The following THRAP3 variants were observed in gnomAD, a reference collection of about 807,000 sequenced individuals.
THRAP3 encodes the protein thyroid hormone receptor-associated protein 3.
A neutral mutation model predicts 101.0 loss-of-function variants in THRAP3; 16 were observed. That is an observed-to-expected ratio of 0.16 (90% CI 0.11 to 0.24). THRAP3 has a LOEUF of 0.24. THRAP3 is among the 10% of genes least tolerant of loss of function. The pLI is 1.00. For missense variants in THRAP3, 989 were observed against 1,202.7 expected (o/e 0.82, Z 2.63); for synonymous variants, 407 against 422.6 (o/e 0.96, Z 0.45).
At chr1:36,298,603 C>T (rs760204621) in intron 9 of THRAP3, among the ~76,000 whole-genome samples, 10 of 152,086 alleles carry the variant, frequency 6.6e-5, no homozygotes, top group Admixed American at 3.9e-4. Context: ...AAGTGATCCT[C>T]CTGCTTCAGC....
At chr1:36,293,765 T>A (rs1168447822) in intron 7 of THRAP3, 86 bp from the exon 8 acceptor site, 1 of 1,148,198 alleles carries the variant, frequency 8.7e-7, no homozygotes, top group Non-Finnish European at 1.3e-6. Context: ...TGCCTGTGAA[T>A]CTATTAGCCA....
At chr1:36,224,412 G>C (rs1644934248), upstream of THRAP3, 1 of 153,052 alleles carries the variant, frequency 6.5e-6, no homozygotes, top group Non-Finnish European at 1.5e-5. Context: ...CGTCGTCGGA[G>C]AGCGGAGACG....
At chr1:36,222,662 T>C (rs1214709687), upstream of THRAP3, among the ~76,000 whole-genome samples, 3 of 151,986 alleles carry the variant, frequency 2.0e-5, no homozygotes, top group Non-Finnish European at 2.9e-5. Context: ...CCCGCCTCGG[T>C]TCTCCCAAAG....
At chr1:36,254,028 A>G (rs1645343114) in intron 1 of THRAP3, among the ~76,000 whole-genome samples, 1 of 152,126 alleles carries the variant, frequency 6.6e-6, no homozygotes, top group African/African-American at 2.4e-5. Flanking sequence ...GAAAAATTTC[A>G]TACTCAGCCC....
intron 1 of THRAP3, among the ~76,000 whole-genome samples, chr1:36,236,428 A>G (rs1645089157): frequency 6.6e-6 from 1 of 151,954 alleles, no homozygotes. Context: ...GCTGGTATAC[A>G]TTGCCCTTTT....
intron 1 of THRAP3, among the ~76,000 whole-genome samples, chr1:36,252,952 AT>A (rs1645324958): frequency 7.9e-6 from 1 of 126,648 alleles, no homozygotes; most frequent in African/African-American, 2.9e-5. Flanking sequence ...ATATATATAT[AT>A]ATATATATAT....
In THRAP3 at chr1:36,304,445, CCT is replaced by C; in HGVS notation, c.*429_*430del. 4.5e-6 allele frequency: 1 copy of C among 222,444 alleles called. No homozygotes were observed. Among genetic ancestry groups the C allele is most frequent in the Non-Finnish European group, 8.7e-6 (1 of 114,654 alleles). The allele number at this position is 222,444 out of a possible 1,614,324, so 13.8% of individuals were successfully genotyped here. ...CCTGTCCTGATTTTAAAAGCCCCCTCCTTTTTTTTTTTTTTTTTCTTTTTTTA... is the reference window on the plus strand; with the variant it reads ...CCTGTCCTGATTTTAAAAGCCCCCTCTTTTTTTTTTTTTTTTCTTTTTTTA... On this transcript the variant is annotated 3_prime_UTR_variant, in exon 12 of 12. Transcript: ENST00000354618.
intron 1 of THRAP3, among the ~76,000 whole-genome samples, chr1:36,236,192 C>T (rs1645085837): frequency 6.6e-6 from 1 of 151,414 alleles, no homozygotes; most frequent in South Asian, 2.1e-4. Flanking sequence ...TGCACTCCAG[C>T]CTGGGTGACA....
intron 10 of THRAP3, 49 bp downstream of exon 10, chr1:36,301,133 G>C: frequency 1.3e-6 from 2 of 1,571,512 alleles, no homozygotes; most frequent in Non-Finnish European, 1.7e-6. Context: ...GCTCCTACCA[G>C]CTTTGATCAC....
chr1:36,271,076 T>G (rs1201050586), intron 2 of THRAP3, among the ~76,000 whole-genome samples: 1 of 152,206 alleles, frequency 6.6e-6, no homozygotes, highest in Admixed American at 6.5e-5. Flanking sequence ...CCTGTTCCCT[T>G]CCTGTTAGCT....
intron 1 of THRAP3, among the ~76,000 whole-genome samples, chr1:36,239,878 T>C (rs1645134487): frequency 6.6e-6 from 1 of 152,250 alleles, no homozygotes; most frequent in Non-Finnish European, 1.5e-5. Flanking sequence ...CATAAAATTT[T>C]ATCATCTTAA....
chr1:36,277,837 G>A (rs1645680395), intron 2 of THRAP3, among the ~76,000 whole-genome samples: 1 of 152,092 alleles, frequency 6.6e-6, no homozygotes, highest in African/African-American at 2.4e-5. Context: ...TAGGCTCACT[G>A]CCACCTCTGC....
intron 5 of THRAP3, among the ~76,000 whole-genome samples, chr1:36,290,627 G>C (rs1010125025): frequency 6.6e-6 from 1 of 152,108 alleles, no homozygotes; most frequent in Non-Finnish European, 1.5e-5. Flanking sequence ...CACCACACCT[G>C]GCTAATTTTT....
chr1:36,248,421 A>T (rs10737165), intron 1 of THRAP3, among the ~76,000 whole-genome samples: 140,125 of 149,752 alleles, frequency 0.94, 66,280 homozygotes, highest in Non-Finnish European at 1. Context: ...ATTGCAGGCC[A>T]GACCCATTGC....
intron 1 of THRAP3, among the ~76,000 whole-genome samples, chr1:36,238,474 T>A (rs1319928596): frequency 6.6e-6 from 1 of 152,130 alleles, no homozygotes. Context: ...GTAGACTAAT[T>A]TATTGCTTAG....
intron 2 of THRAP3, among the ~76,000 whole-genome samples, chr1:36,265,321 T>TTGGATTACTTTACTAGTAA (rs1645499540): frequency 6.6e-6 from 1 of 152,226 alleles, no homozygotes; most frequent in Non-Finnish European, 1.5e-5. Flanking sequence ...AAGGTCTTAC[T>TTGGATTACTTTACTAGTAA]AGTAATCTTT....
At chr1:36,290,422 C>T (rs1364136222) in intron 5 of THRAP3, among the ~76,000 whole-genome samples, 4 of 152,114 alleles carry the variant, frequency 2.6e-5, no homozygotes, top group African/African-American at 9.6e-5. Context: ...ATCTCCTGAC[C>T]TCGTGATCCG....
In THRAP3 at chr1:36,301,019, A is replaced by G. The variant is rs1443399087; in HGVS notation, c.2437A>G (p.Arg813Gly). ...EESTTGFDKS[R>G]LGTKDFVGPS... ...GAGCACCACGGGCTTTGACAAATCAAGACTGGGGACCAAAGACTTTGTGGG... is the reference window on the plus strand; with the variant it reads ...GAGCACCACGGGCTTTGACAAATCAGGACTGGGGACCAAAGACTTTGTGGG... The change falls in exon 10 of 12, where the codon AGA (arginine) becomes GGA (glycine). Residue 813 changes from arginine to glycine, a missense_variant. Coordinates refer to ENST00000354618, the MANE Select transcript of THRAP3 (RefSeq NM_005119.4). 6.2e-7 allele frequency: 1 copy of G among 1,614,218 alleles called. No individual in the cohort carries two copies. The highest frequency in any genetic ancestry group is 8.5e-7 in the Non-Finnish European group (1 of 1,180,034).
chr1:36,211,363 A>G, the THRAP3 span, among the ~76,000 whole-genome samples: 3 of 145,076 alleles, frequency 2.1e-5, no homozygotes, highest in Non-Finnish European at 4.5e-5. Flanking sequence ...CAGGTCTCAA[A>G]AAGAAAAAAA....
Sources: gnomAD v4.1 joint callset for allele counts (sites outside exome capture counted in the v4.1 genomes callset) on GRCh38, gnomAD v4.1.1 for gene constraint, MANE v1.5 for transcripts, NCBI Gene and HGNC (gene_info 2026-07-23, HGNC 2026-07-21) for gene names.